SOX7: variants seen among roughly 807,000 people sequenced by gnomAD.
SOX7 encodes the protein transcription factor SOX-7.
Under a neutral mutation model 24.9 loss-of-function variants are expected in SOX7, and 19 were observed. The ratio of observed to expected loss-of-function variants is 0.76; its 90% CI spans 0.53 to 1.12. The LOEUF (loss-of-function observed/expected upper bound fraction) is 1.12. Among genes scored for constraint, SOX7 ranks in the 50% most tolerant of loss-of-function variants. The pLI, the probability that SOX7 is intolerant of heterozygous loss-of-function variation, is 0.00. For missense variants in SOX7, 702 were observed against 535.0 expected, an observed-to-expected ratio of 1.31 and a Z score of -3.08; for synonymous variants, 327 against 244.5, an observed-to-expected ratio of 1.34 and a Z score of -3.15.
chr8:10,727,013 T>G (rs1800169236), intron 1 of SOX7, among the ~76,000 whole-genome samples: 1 of 152,206 alleles, frequency 6.6e-6, no homozygotes, highest in South Asian at 2.1e-4. Context: ...AAATATCTAA[T>G]GATCACGATA....
At position 10,726,576 on chromosome 8, in the gene SOX7, G is replaced by A. The variant is rs753873613; in HGVS notation, c.329C>T (p.Pro110Leu). ...CCTGCGCGGCCGGTACTTGTAGTTG[G>A]GGTAGTCCTGCATGTGCTGCAGGCG... is the stretch of plus-strand genomic sequence containing the variant. ...RLRLQHMQDY[P>L]NYKYRPRRKK... Residue 110 changes from proline (P) to leucine (L), a missense_variant, in exon 2 of 2, where the codon CCC (proline) becomes CTC (leucine). Coordinates refer to ENST00000304501, the MANE Select transcript of SOX7 (RefSeq NM_031439.4). The A allele has an allele frequency of 3.7e-6, 6 of 1,611,262 alleles. No individual in the cohort carries two copies. The highest frequency in any genetic ancestry group is 4.2e-6 in the Non-Finnish European group (5 of 1,179,944).
intron 1 of SOX7, among the ~76,000 whole-genome samples, chr8:10,728,628 A>G (rs1800201559): frequency 6.6e-6 from 1 of 152,248 alleles, no homozygotes; most frequent in Non-Finnish European, 1.5e-5. Flanking sequence ...ACCAACTCGC[A>G]GGAAGCATCT....
chr8:10,730,030 G>A lies in SOX7; in HGVS notation c.238+166C>T, dbSNP rs1421531673. Among the ~76,000 whole-genome samples, 1 of 151,942 alleles carries A rather than the reference G, an allele frequency of 6.6e-6. No homozygotes were observed. The highest frequency in any genetic ancestry group is 6.5e-5 in the Admixed American group (1 of 15,280). On this transcript the variant is annotated intron_variant, in intron 1 of 1. Transcript: ENST00000304501. The surrounding 1 kb of genome is among the most constrained non-coding windows in gnomAD (Gnocchi z 4.8). ...CCCCGCTCTGAATCCTGGGCACCGC[G>A]AGCACCCACGCTCGCGCAGATGGCC...
intron 1 of SOX7, chr8:10,729,624 T>C (rs1466500437): frequency 6.6e-6 from 1 of 152,350 alleles, no homozygotes; most frequent in East Asian, 1.9e-4. Flanking sequence ...GAATCGAGTC[T>C]ATTTGGGTAA....
rs755361499 is a variant in SOX7, at chr8:10,726,397, C to A, written c.508G>T (p.Ala170Ser). 6.2e-7 allele frequency: 1 copy of A among 1,612,128 alleles called. No individual in the cohort carries two copies. The highest frequency in any genetic ancestry group is 2.2e-5 in the East Asian group (1 of 44,840). Residue 170 changes from alanine to serine, a missense_variant, in exon 2 of 2, where the codon GCC becomes TCC. Coordinates refer to ENST00000304501, the MANE Select transcript of SOX7 (RefSeq NM_031439.4). ...EDRGEYSPGT[A>S]LPSLRGCYHE... ...TAGCAGCCCCGGAGGCTGGGCAGGG[C>A]AGTGCCGGGGGAGTACTCACCCCTG...
rs763421673 is a variant in SOX7, at chr8:10,726,542, C to G, written c.363G>C (p.Gln121His). 1 of 1,612,468 alleles carries G rather than the reference C, an allele frequency of 6.2e-7. No homozygotes were observed. Among genetic ancestry groups the G allele is most frequent in the Non-Finnish European group, 8.5e-7 (1 of 1,179,972 alleles). ...CCACGCGCTTGCACAGCCGCTTGGC[C>G]TGCTTCTTCCTGCGCGGCCGGTACT... The part of the protein sequence containing the change: ...NYKYRPRRKK[Q>H]AKRLCKRVDP... The change falls in exon 2 of 2, where the codon CAG becomes CAC. Residue 121 changes from glutamine (Q) to histidine (H), a missense_variant. Physicochemically the swap from Gln to His is conservative, Grantham distance 24. Coordinates refer to ENST00000304501, the MANE Select transcript of SOX7 (RefSeq NM_031439.4).
In SOX7 at chr8:10,726,620, C is replaced by A. The variant is rs890935201; in HGVS notation, c.285G>T (p.Val95=). The part of the protein sequence containing the change: ...ALTLSQKRPY[V]DEAERLRLQH... ...GCAGGCGCAGCCGCTCCGCCTCGTCCACGTACGGCCTCTTCTGGGACAGCG... is the reference window on the plus strand; with the variant it reads ...GCAGGCGCAGCCGCTCCGCCTCGTCAACGTACGGCCTCTTCTGGGACAGCG... Residue 95 remains valine, a synonymous_variant, in exon 2 of 2, where the codon GTG becomes GTT. Transcript: ENST00000304501. 1 of 1,602,346 alleles carries A rather than the reference C, an allele frequency of 6.2e-7. No individual in the cohort carries two copies. The highest frequency in any genetic ancestry group is 8.5e-7 in the Non-Finnish European group (1 of 1,177,592).
Position 10,723,844 on chromosome 8 carries a change from G to A in SOX7, c.*1894C>T, listed in dbSNP as rs1056983840. 5.9e-5 allele frequency: 9 copies of A among 152,702 alleles called. No individual in the cohort carries two copies. The highest frequency in any genetic ancestry group is 2.2e-4 in the African/African-American group (9 of 41,572). 9.5% of individuals were successfully genotyped at this position (152,702 alleles called of 1,614,324 possible). A position where few individuals can be genotyped will look rare whatever the true frequency, so the allele number is the denominator to read the frequency against. ...TGACAACTGTTCCAAAGTATGAGTT[G>A]TTCTTTCAAAAAAACGAAACAGTTT... On this transcript the variant is annotated 3_prime_UTR_variant, in exon 2 of 2. Transcript: ENST00000304501.
In SOX7 at chr8:10,725,329, A is replaced by T. The variant is rs570467880; in HGVS notation, c.*409T>A. ...GTTAGCGAGCTCATTAATGAGTCAAATTTCCCCATCTTCCTTTATTAATCT... is the reference window on the plus strand; with the variant it reads ...GTTAGCGAGCTCATTAATGAGTCAATTTTCCCCATCTTCCTTTATTAATCT... On this transcript the variant is annotated 3_prime_UTR_variant, in exon 2 of 2. Coordinates refer to ENST00000304501, the MANE Select transcript of SOX7 (RefSeq NM_031439.4). 5 of 212,226 alleles carry T rather than the reference A, an allele frequency of 2.4e-5. No homozygotes were observed. The highest frequency in any genetic ancestry group is 1.2e-4 in the African/African-American group (5 of 42,824). 13.1% of individuals were successfully genotyped at this position (212,226 alleles called of 1,614,324 possible).
Position 10,726,574 on chromosome 8 carries a change from TG to T in SOX7, c.330del (p.Asn111ThrfsTer25). On this transcript the variant is annotated frameshift_variant, in exon 2 of 2. Transcript: ENST00000304501. LOFTEE classifies it high-confidence loss of function. ...RLRLQHMQDY[P>X]NYKYRPRRKK... is the part of the protein sequence containing the mutation. ...TTCCTGCGCGGCCGGTACTTGTAGT[TG>T]GGGTAGTCCTGCATGTGCTGCAGGC... 1.2e-6 allele frequency: 2 copies of T among 1,611,484 alleles called. No homozygotes were observed. Among genetic ancestry groups the T allele is most frequent in the Non-Finnish European group, 8.5e-7 (1 of 1,179,960 alleles).
At chr8:10,727,542 C>G (rs1012440008) in intron 1 of SOX7, among the ~76,000 whole-genome samples, 2 of 152,210 alleles carry the variant, frequency 1.3e-5, no homozygotes, top group African/African-American at 2.4e-5. Flanking sequence ...AAAAATTATT[C>G]CATGCTTGCA....
Position 10,725,168 on chromosome 8 carries a change from A to C in SOX7, c.*570T>G, listed in dbSNP as rs1800116103. 6.5e-6 allele frequency: 1 copy of C among 154,684 alleles called. No individual in the cohort carries two copies. Among genetic ancestry groups the C allele is most frequent in the Non-Finnish European group, 1.4e-5 (1 of 69,650 alleles). The allele number at this position is 154,684 out of a possible 1,614,324, so 9.6% of individuals were successfully genotyped here. ...AGTTAGCCATACTGGTTAATTTCTC[A>C]AATCAGGTTGACTGTTTTTTCTCAA... On this transcript the variant is annotated 3_prime_UTR_variant, in exon 2 of 2. Coordinates refer to ENST00000304501, the MANE Select transcript of SOX7 (RefSeq NM_031439.4).
chr8:10,725,561 T>C lies in SOX7; in HGVS notation c.*177A>G. 1.6e-6 allele frequency: 1 copy of C among 630,500 alleles called. No individual in the cohort carries two copies. The highest frequency in any genetic ancestry group is 2.8e-6 in the Non-Finnish European group (1 of 362,884). The allele number at this position is 630,500 out of a possible 1,614,324, so 39.1% of individuals were successfully genotyped here. ...AGGGGCTGGAACGTGGGGAAGGGGA[T>C]AGAGGCGGCACTCGGATAAGGAGAG... On this transcript the variant is annotated 3_prime_UTR_variant, in exon 2 of 2. Coordinates refer to ENST00000304501, the MANE Select transcript of SOX7 (RefSeq NM_031439.4).
At chr8:10,728,790 T>G (rs1409960346) in intron 1 of SOX7, among the ~76,000 whole-genome samples, 5 of 152,204 alleles carry the variant, frequency 3.3e-5, no homozygotes, top group Admixed American at 3.3e-4. Context: ...TTCCCCCTGT[T>G]GGCAGGGTCA....
Position 10,726,329 on chromosome 8 carries a change from G to C in SOX7, c.576C>G (p.Ser192Arg). ...PAGGGGGGTP[S>R]SVDTYPYGLP... ...GCCCGTACGGGTACGTGTCCACACT[G>C]CTCGGGGTGCCGCCGCCGCCACCAC... Residue 192 changes from serine (S) to arginine (R), a missense_variant, in exon 2 of 2, where the codon AGC becomes AGG. Physicochemically the swap from Ser to Arg is moderately radical, Grantham distance 110. Transcript: ENST00000304501. The C allele has an allele frequency of 1.2e-6, 2 of 1,613,016 alleles. No homozygotes were observed. Among genetic ancestry groups the C allele is most frequent in the Non-Finnish European group, 1.7e-6 (2 of 1,179,746 alleles).
chr8:10,729,879 C>T (rs937526253), intron 1 of SOX7, among the ~76,000 whole-genome samples: 2 of 152,120 alleles, frequency 1.3e-5, no homozygotes, highest in Non-Finnish European at 2.9e-5. Flanking sequence ...CGGTCCCTGT[C>T]GCCAGGCGTC....
intron 1 of SOX7, chr8:10,729,578 G>A (rs888573669): frequency 2.0e-5 from 3 of 152,194 alleles, no homozygotes; most frequent in Admixed American, 6.5e-5. Context: ...TCCGAATCAA[G>A]TTATCTACAC....
rs1423525287 is a variant in SOX7, at chr8:10,725,621, C to G, written c.*117G>C. On this transcript the variant is annotated 3_prime_UTR_variant, in exon 2 of 2. Transcript: ENST00000304501. ...GGCCAAAGGCTCTGGGGCCGCAGTT[C>G]AGACCTCCCTGCCCTGAGCGGTGGG... 1.8e-6 allele frequency: 2 copies of G among 1,137,766 alleles called. No homozygotes were observed. The highest frequency in any genetic ancestry group is 2.5e-6 in the Non-Finnish European group (2 of 792,350). The allele number at this position is 1,137,766 out of a possible 1,614,324, so 70.5% of individuals were successfully genotyped here. A position where few individuals can be genotyped will look rare whatever the true frequency, so the allele number is the denominator to read the frequency against.
chr8:10,727,290 C>T (rs1016864731), intron 1 of SOX7, among the ~76,000 whole-genome samples: 1 of 152,134 alleles, frequency 6.6e-6, no homozygotes, highest in East Asian at 1.9e-4. Flanking sequence ...ATGACTGAGG[C>T]CAGAATGCTA....
Sources: gnomAD v4.1 joint callset for allele counts (sites outside exome capture counted in the v4.1 genomes callset) on GRCh38, gnomAD v4.1.1 for gene constraint, Gnocchi (gnomAD v3.1) non-coding constraint, MANE v1.5 for transcripts, NCBI Gene and HGNC (gene_info 2026-07-23, HGNC 2026-07-21) for gene names.